Variants in CNTNAP3B observed in about 807,000 individuals in gnomAD.
The protein encoded by CNTNAP3B is contactin associated protein family member 3B.
In CNTNAP3B, 25 loss-of-function variants were observed where a neutral mutation model predicts 108.9. The observed-to-expected ratio is 0.23, with a 90% CI of 0.17 to 0.32. The LOEUF (loss-of-function observed/expected upper bound fraction) is 0.32, where lower values mean the gene tolerates loss of function less well. Ranked by LOEUF, CNTNAP3B falls within the 10% of genes least tolerant of loss-of-function variation. The pLI is 1.00. For synonymous variants in CNTNAP3B, 103 were observed against 473.4 expected, an observed-to-expected ratio of 0.22 and a Z score of 10.16; for missense variants, 252 against 1,210.4, an observed-to-expected ratio of 0.21 and a Z score of 11.75.
chr9:42,030,811 G>GA (rs1826509007), intron 3 of CNTNAP3B, among the ~76,000 whole-genome samples: 1 of 73,892 alleles, frequency 1.4e-5, no homozygotes, highest in Non-Finnish European at 2.7e-5. Flanking sequence ...GAGAGAGAGA[G>GA]AGGAGAGAGA....
At chr9:41,959,700 C>T (rs1195312918) in intron 12 of CNTNAP3B, among the ~76,000 whole-genome samples, 7 of 152,300 alleles carry the variant, frequency 4.6e-5, no homozygotes, top group Non-Finnish European at 1.0e-4. Context: ...TGAACATCCC[C>T]TGTAAAGTTT....
intron 14 of CNTNAP3B, among the ~76,000 whole-genome samples, chr9:41,934,909 C>G (rs1357390385): frequency 1.3e-5 from 2 of 152,298 alleles, no homozygotes; most frequent in Non-Finnish European, 2.9e-5. Context: ...CTTTTAAAGA[C>G]TCTAAGATAA....
chr9:41,939,207 T>G, intron 13 of CNTNAP3B, among the ~76,000 whole-genome samples: 1 of 152,390 alleles, frequency 6.6e-6, no homozygotes, highest in South Asian at 2.1e-4. Context: ...AAAGCAGGTG[T>G]CAGGCCACCT....
chr9:41,995,755 G>A (rs1825885396), intron 7 of CNTNAP3B, among the ~76,000 whole-genome samples: 1 of 129,834 alleles, frequency 7.7e-6, no homozygotes, highest in Admixed American at 7.7e-5. Context: ...AAAAAAATTG[G>A]CCAGGCCCGG....
Position 41,991,164 on chromosome 9 carries a change from C to A in CNTNAP3B, c.1333+446G>T, listed in dbSNP as rs1164764730. On this transcript the variant is annotated intron_variant, in intron 8 of 23. Coordinates refer to ENST00000377561, the MANE Select transcript of CNTNAP3B (RefSeq NM_001201380.3). ...AGAACTCTTGGTATTTGCCGGGCAT[C>A]TTTCCCTGTAAAGTGATAGTTATCA... 5.3e-5 allele frequency among the ~76,000 whole-genome samples: 6 copies of A among 112,856 alleles called. 2 individuals are homozygous for A. The highest frequency in any genetic ancestry group is 1.4e-4 in the African/African-American group (4 of 28,266). The allele number at this position is 112,856 out of a possible 152,430, so 74.0% of individuals were successfully genotyped here. A position where few individuals can be genotyped will look rare whatever the true frequency, so the allele number is the denominator to read the frequency against.
chr9:42,070,398 T>C (rs1827347477), intron 3 of CNTNAP3B, among the ~76,000 whole-genome samples: 1 of 149,720 alleles, frequency 6.7e-6, no homozygotes, highest in African/African-American at 2.5e-5. Context: ...AAACTAGATA[T>C]CCGCTGACCA....
At chr9:41,952,315 C>G (rs1183640328) in intron 13 of CNTNAP3B, among the ~76,000 whole-genome samples, 1 of 152,178 alleles carries the variant, frequency 6.6e-6, no homozygotes, top group Non-Finnish European at 1.5e-5. Flanking sequence ...CTCTGCTGCC[C>G]AAGCTGGAGG....
At chr9:42,125,439 T>C (rs1434331623) in intron 1 of CNTNAP3B, among the ~76,000 whole-genome samples, 1 of 141,850 alleles carries the variant, frequency 7.0e-6, no homozygotes, top group African/African-American at 2.8e-5. Flanking sequence ...GCCTCCCCAC[T>C]ACCCAGCATG....
In CNTNAP3B at chr9:42,091,951, A is replaced by G. The variant is rs1827820849; in HGVS notation, c.196+12678T>C. On this transcript the variant is annotated intron_variant, in intron 2 of 23. Transcript: ENST00000377561. Reference sequence around the variant, plus strand: ...TTTTCTAAATATAATGAAATGTAAAATTTTTAAAAAATCTGACTTTTTTCT... The same window carrying G: ...TTTTCTAAATATAATGAAATGTAAAGTTTTTAAAAAATCTGACTTTTTTCT... Among the ~76,000 whole-genome samples, 3 of 121,042 alleles carry G rather than the reference A, an allele frequency of 2.5e-5. No homozygotes were observed. In the South Asian group the frequency reaches 8.0e-4, roughly 32 times the overall value. The allele number at this position is 121,042 out of a possible 152,430, so 79.4% of individuals were successfully genotyped here. A position where few individuals can be genotyped will look rare whatever the true frequency, so the allele number is the denominator to read the frequency against.
intron 3 of CNTNAP3B, among the ~76,000 whole-genome samples, chr9:42,072,937 C>T (rs1827405638): frequency 7.3e-6 from 1 of 137,368 alleles, no homozygotes; most frequent in Non-Finnish European, 1.5e-5. Flanking sequence ...ACTATTTTTG[C>T]AATAAAACAT....
intron 13 of CNTNAP3B, among the ~76,000 whole-genome samples, chr9:41,940,832 C>A (rs866494161): frequency 6.6e-6 from 1 of 152,250 alleles, no homozygotes; most frequent in African/African-American, 2.4e-5. Flanking sequence ...ATAACAACAA[C>A]AAAAAACCTT....
In CNTNAP3B at chr9:42,110,193, A is replaced by G. The variant is rs1485928424; in HGVS notation, c.86-5454T>C. ...TTACATATTGGATATTTTAGGGCAA[A>G]TGCAGGAGAGTTCCACTGAAAATAC... On this transcript the variant is annotated intron_variant, in intron 1 of 23. Transcript: ENST00000377561. 2.3e-5 allele frequency among the ~76,000 whole-genome samples: 3 copies of G among 130,936 alleles called. 1 individual carries two copies. Among genetic ancestry groups the G allele is most frequent in the Non-Finnish European group, 4.8e-5 (3 of 61,940 alleles). The allele number at this position is 130,936 out of a possible 152,430, so 85.9% of individuals were successfully genotyped here.
chr9:41,968,416 T>TG (rs1818022882), intron 10 of CNTNAP3B, among the ~76,000 whole-genome samples: 1 of 118,338 alleles, frequency 8.5e-6, no homozygotes, highest in African/African-American at 3.5e-5. Context: ...CTACAGAGTG[T>TG]GGTTCTGGAG....
intron 10 of CNTNAP3B, among the ~76,000 whole-genome samples, chr9:41,966,111 C>T (rs1486591161): frequency 2.0e-5 from 3 of 152,282 alleles, no homozygotes; most frequent in Non-Finnish European, 4.4e-5. Context: ...GAGCGACAGG[C>T]AAGGTTGGCT....
At chr9:41,955,348 T>C (rs1413753782) in intron 12 of CNTNAP3B, among the ~76,000 whole-genome samples, 2 of 151,992 alleles carry the variant, frequency 1.3e-5, no homozygotes, top group African/African-American at 2.4e-5. Flanking sequence ...TTATAGGATA[T>C]GCATTTGTGT....
At chr9:42,087,585 A>G (rs1319727540) in intron 2 of CNTNAP3B, among the ~76,000 whole-genome samples, 1 of 144,956 alleles carries the variant, frequency 6.9e-6, no homozygotes, top group Non-Finnish European at 1.5e-5. Context: ...AAATATGCTG[A>G]AACTCATGTT....
At chr9:41,934,796 T>C (rs1435363575) in intron 14 of CNTNAP3B, among the ~76,000 whole-genome samples, 2 of 152,296 alleles carry the variant, frequency 1.3e-5, no homozygotes, top group Non-Finnish European at 2.9e-5. Flanking sequence ...TAAAATCTAA[T>C]ATCTGGTTTT....
intron 15 of CNTNAP3B, among the ~76,000 whole-genome samples, chr9:41,925,586 C>T (rs1420043369): frequency 6.7e-6 from 1 of 148,450 alleles, no homozygotes; most frequent in Non-Finnish European, 1.5e-5. Flanking sequence ...GAGCGAGACT[C>T]CATCTCAAAA....
intron 18 of CNTNAP3B, among the ~76,000 whole-genome samples, chr9:41,918,458 A>C (rs1222726637): frequency 6.9e-6 from 1 of 145,398 alleles, no homozygotes; most frequent in Non-Finnish European, 1.5e-5. Context: ...GTACACACAT[A>C]CACATACACA....
Sources: allele counts gnomAD v4.1 joint callset (sites outside exome capture counted in the v4.1 genomes callset), GRCh38; gene constraint gnomAD v4.1.1; transcripts MANE v1.5; gene names NCBI Gene and HGNC (gene_info 2026-07-23, HGNC 2026-07-21).